Variants in GAK observed in about 807,000 individuals in gnomAD.
GAK encodes cyclin G associated kinase.
Under a neutral mutation model 143.9 loss-of-function variants are expected in GAK, and 79 were observed. That is an observed-to-expected ratio of 0.55 (90% confidence interval 0.46 to 0.66). The LOEUF is 0.66. GAK is among the 30% of genes least tolerant of loss of function. GAK has a pLI of 0.00. For missense variants in GAK, 1,693 were observed against 1,779.7 expected, an observed-to-expected ratio of 0.95 and a Z score of 0.88; for synonymous variants, 881 against 765.5, an observed-to-expected ratio of 1.15 and a Z score of -2.49.
chr4:894,966 G>A (rs755428943), intron 7 of GAK: 2 of 149,754 alleles, frequency 1.3e-5, no homozygotes, highest in Non-Finnish European at 2.9e-5. Flanking sequence ...GCAACAAAGC[G>A]AGACTCTGTC....
intron 24 of GAK, among the ~76,000 whole-genome samples, chr4:856,401 CCACAG>C (rs1749215489): frequency 1.5e-5 from 1 of 67,192 alleles, no homozygotes; most frequent in Non-Finnish European, 3.2e-5. Flanking sequence ...CTGCTCACCA[CCACAG>C]CTGCTCACCA....
chr4:873,688 T>C (rs1048227982), intron 18 of GAK, among the ~76,000 whole-genome samples: 4 of 152,194 alleles, frequency 2.6e-5, no homozygotes, highest in African/African-American at 9.7e-5. Context: ...CCACCTGATA[T>C]GGACAGTGAC....
intron 11 of GAK, among the ~76,000 whole-genome samples, chr4:884,943 TG>T (rs1166344545): frequency 6.7e-6 from 1 of 150,290 alleles, no homozygotes; most frequent in Non-Finnish European, 1.5e-5. Context: ...AACCATCGCC[TG>T]AAAGTGACCA....
At chr4:877,342 A>C in intron 16 of GAK, 135 bp from the exon 17 acceptor site, 1 of 680,874 alleles carries the variant, frequency 1.5e-6, no homozygotes, top group South Asian at 1.9e-5. Flanking sequence ...CCCCATGAAG[A>C]GCCTCACAAG....
intron 25 of GAK, chr4:851,506 G>A: frequency 1.7e-6 from 1 of 586,382 alleles, no homozygotes; most frequent in South Asian, 2.1e-5. Flanking sequence ...AGACAAGACA[G>A]GGTTGCAAAG....
intron 23 of GAK, among the ~76,000 whole-genome samples, chr4:864,547 C>T (rs1041516313): frequency 3.3e-5 from 5 of 152,214 alleles, no homozygotes; most frequent in East Asian, 3.8e-4. Flanking sequence ...TACCAGACGC[C>T]GCGGGAGGGC....
chr4:893,310 A>C, intron 9 of GAK, 67 bp downstream of exon 9: 6 of 1,152,812 alleles, frequency 5.2e-6, no homozygotes, highest in Non-Finnish European at 7.2e-6. Flanking sequence ...TCTGCGGGGG[A>C]TCTGGGGCTC....
intron 4 of GAK, among the ~76,000 whole-genome samples, chr4:910,497 G>A (rs965060898): frequency 4.0e-5 from 6 of 151,726 alleles, no homozygotes; most frequent in African/African-American, 1.5e-4. Flanking sequence ...CCCCTTGCTC[G>A]CCCTCCATTT....
At chr4:916,014 T>C (rs1723046648) in intron 1 of GAK, among the ~76,000 whole-genome samples, 1 of 152,182 alleles carries the variant, frequency 6.6e-6, no homozygotes, top group Non-Finnish European at 1.5e-5. Context: ...AGGATGGTTG[T>C]TGGATATAAG....
intron 4 of GAK, 92 bp from the exon 5 acceptor site, chr4:904,871 A>T: frequency 7.8e-7 from 1 of 1,281,078 alleles, no homozygotes; most frequent in Non-Finnish European, 1.1e-6. Context: ...CCAGAACTAA[A>T]TGGAAAGGAA....
intron 5 of GAK, among the ~76,000 whole-genome samples, chr4:901,709 C>T (rs1043668534): frequency 3.3e-5 from 5 of 152,216 alleles, no homozygotes; most frequent in African/African-American, 7.2e-5. Context: ...CCACAAGAGA[C>T]GCCACGGGGC....
At chr4:849,839 C>CA in intron 27 of GAK, 53 bp downstream of exon 27, 1 of 1,124,978 alleles carries the variant, frequency 8.9e-7, no homozygotes. Flanking sequence ...GCAGGACCCC[C>CA]CCCCCGCCCC....
chr4:912,922 C>T (rs775759988), intron 2 of GAK, 128 bp from the exon 3 acceptor site: 32 of 627,626 alleles, frequency 5.1e-5, no homozygotes, highest in Middle Eastern at 2.7e-4. Context: ...CCCCCCGTTT[C>T]GTGTGTCTCC....
intron 1 of GAK, among the ~76,000 whole-genome samples, chr4:923,426 T>TG (rs1161896544): frequency 2.6e-5 from 4 of 152,112 alleles, no homozygotes; most frequent in Non-Finnish European, 5.9e-5. Context: ...CCCAGCACTT[T>TG]GGGAGGCCGA....
At chr4:882,400 G>A (rs566595961) in intron 14 of GAK, among the ~76,000 whole-genome samples, 109 of 152,264 alleles carry the variant, frequency 7.2e-4, no homozygotes, top group African/African-American at 2.6e-3. Context: ...CGGGAAACTG[G>A]AAGTGACTCT....
intron 19 of GAK, chr4:868,887 C>T (rs887307401): frequency 1.2e-5 from 7 of 591,304 alleles, no homozygotes; most frequent in Middle Eastern, 4.6e-4. Context: ...CTGGGCCATG[C>T]GTGCACACTT....
chr4:906,468 C>G (rs751101344), intron 4 of GAK, among the ~76,000 whole-genome samples: 1 of 152,160 alleles, frequency 6.6e-6, no homozygotes, highest in Non-Finnish European at 1.5e-5. Flanking sequence ...GGGCAGCACG[C>G]AGGGCTGAGG....
chr4:905,659 T>A (rs895102202), intron 4 of GAK, among the ~76,000 whole-genome samples: 6 of 148,284 alleles, frequency 4.0e-5, no homozygotes, highest in African/African-American at 7.6e-5. Context: ...TGCCACGGAC[T>A]CTGCCACGTT....
intron 9 of GAK, among the ~76,000 whole-genome samples, chr4:892,418 C>T (rs970517239): frequency 1.3e-5 from 2 of 152,226 alleles, no homozygotes; most frequent in African/African-American, 2.4e-5. Context: ...GGCCGGGCCG[C>T]GTGTCTGCTC....
Sources: gnomAD v4.1 joint callset for allele counts (sites outside exome capture counted in the v4.1 genomes callset) on GRCh38, gnomAD v4.1.1 for gene constraint, MANE v1.5 for transcripts, NCBI Gene and HGNC (gene_info 2026-07-23, HGNC 2026-07-21) for gene names.